The following RABGAP1L variants were observed in gnomAD, a reference collection of about 807,000 sequenced individuals.
RABGAP1L encodes rab GTPase-activating protein 1-like.
In RABGAP1L, 63 loss-of-function variants were observed where a neutral mutation model predicts 137.7. That is an observed-to-expected ratio of 0.46 (90% CI 0.37 to 0.56). RABGAP1L has a LOEUF of 0.56. Ranked by LOEUF, RABGAP1L falls within the 20% of genes least tolerant of loss-of-function variation. The pLI, the probability that RABGAP1L is intolerant of heterozygous loss-of-function variation, is 0.00. For synonymous variants in RABGAP1L, 431 were observed against 433.7 expected (o/e 0.99, Z 0.08); for missense variants, 1,095 against 1,244.0 (o/e 0.88, Z 1.80).
intron 1 of RABGAP1L, among the ~76,000 whole-genome samples, chr1:174,171,531 T>TA (rs1413339391): frequency 6.6e-6 from 1 of 152,080 alleles, no homozygotes; most frequent in African/African-American, 2.4e-5. Context: ...TTATATATAC[T>TA]ATACAATATG....
chr1:174,284,800 C>CT (rs1234792457), intron 10 of RABGAP1L, among the ~76,000 whole-genome samples: 45 of 111,878 alleles, frequency 4.0e-4, no homozygotes, highest in African/African-American at 1.6e-3. Flanking sequence ...TGGTCTCCAG[C>CT]TTTTTTTTCC....
intron 13 of RABGAP1L, among the ~76,000 whole-genome samples, chr1:174,620,904 G>A (rs1167852207): frequency 3.3e-5 from 5 of 151,870 alleles, no homozygotes; most frequent in Admixed American, 3.3e-4. Flanking sequence ...TAATAAAGAA[G>A]AAAAGAGAGA....
At chr1:174,783,082 T>A (rs1302184806) in intron 18 of RABGAP1L, among the ~76,000 whole-genome samples, 2 of 152,162 alleles carry the variant, frequency 1.3e-5, no homozygotes, top group Non-Finnish European at 2.9e-5. Flanking sequence ...TCATCACTGC[T>A]GAATGCTACC....
At chr1:174,773,312 G>A (rs868038655) in intron 18 of RABGAP1L, among the ~76,000 whole-genome samples, 5 of 152,146 alleles carry the variant, frequency 3.3e-5, no homozygotes, top group African/African-American at 1.2e-4. Context: ...GATCACTTGA[G>A]CCCATGAGTG....
chr1:174,977,780 G>A (rs2149380420), intron 22 of RABGAP1L, among the ~76,000 whole-genome samples: 1 of 152,288 alleles, frequency 6.6e-6, no homozygotes, highest in Admixed American at 6.5e-5. Context: ...TATTGTTTAT[G>A]TCCTTAAATT....
chr1:174,913,325 A>G (rs1382779377), intron 19 of RABGAP1L, among the ~76,000 whole-genome samples: 3 of 152,132 alleles, frequency 2.0e-5, no homozygotes, highest in Non-Finnish European at 2.9e-5. Flanking sequence ...ATAACTATAC[A>G]GATTTTGATG....
At chr1:174,680,834 T>C (rs930642789) in intron 14 of RABGAP1L, among the ~76,000 whole-genome samples, 1 of 151,820 alleles carries the variant, frequency 6.6e-6, no homozygotes, top group Non-Finnish European at 1.5e-5. Flanking sequence ...GCAGAGGCTG[T>C]AGTGATCATG....
chr1:174,946,917 A>AT (rs1252382067), intron 19 of RABGAP1L, among the ~76,000 whole-genome samples: 8,267 of 59,560 alleles, frequency 0.14, 1,144 homozygotes, highest in Non-Finnish European at 0.17. Context: ...AAAAAAAAAA[A>AT]ATATATATAT....
rs2148524944 is a variant in RABGAP1L at position 174,702,317 on chromosome 1, T to C, written c.2169+61T>C. ...GAAAGTAGTTTCTACTAAAAATGGT[T>C]ACAGTTTTCTTCCTTTTGTTTTTGC... is the stretch of plus-strand genomic sequence containing the variant. On this transcript the variant is annotated intron_variant, in intron 17 of 25. Coordinates refer to ENST00000681986, the MANE Select transcript of RABGAP1L (RefSeq NM_001366446.1). 1.5e-5 allele frequency: 21 copies of C among 1,412,904 alleles called. 1 individual carries two copies. In the South Asian group the frequency reaches 2.9e-4, roughly 19 times the overall value. The allele number at this position is 1,412,904 out of a possible 1,614,324, so 87.5% of individuals were successfully genotyped here.
intron 13 of RABGAP1L, among the ~76,000 whole-genome samples, chr1:174,597,807 G>A (rs956296495): frequency 6.6e-6 from 1 of 151,988 alleles, no homozygotes; most frequent in African/African-American, 2.4e-5. Context: ...TTTGCTCTCA[G>A]TATTGCTTTC....
At chr1:174,683,936 A>G (rs1305026482) in intron 15 of RABGAP1L, among the ~76,000 whole-genome samples, 4 of 152,180 alleles carry the variant, frequency 2.6e-5, no homozygotes, top group African/African-American at 7.2e-5. Flanking sequence ...GTCCTTTATC[A>G]TTTCTGTGAT....
At chr1:174,793,541 A>G (rs1688013925) in intron 18 of RABGAP1L, among the ~76,000 whole-genome samples, 1 of 152,206 alleles carries the variant, frequency 6.6e-6, no homozygotes, top group African/African-American at 2.4e-5. Context: ...ACTATAAAAT[A>G]ATGAGACTCA....
intron 19 of RABGAP1L, among the ~76,000 whole-genome samples, chr1:174,813,262 G>A (rs1476222326): frequency 6.6e-6 from 1 of 152,184 alleles, no homozygotes; most frequent in Non-Finnish European, 1.5e-5. Context: ...TAGAGATGGA[G>A]TGGAGATGGA....
intron 13 of RABGAP1L, among the ~76,000 whole-genome samples, chr1:174,511,000 A>G (rs1156956381): frequency 6.6e-6 from 1 of 152,206 alleles, no homozygotes; most frequent in African/African-American, 2.4e-5. Context: ...TCATGATGAA[A>G]ATGTGATGTC....
intron 13 of RABGAP1L, among the ~76,000 whole-genome samples, chr1:174,486,288 T>G (rs1327590926): frequency 6.6e-6 from 1 of 151,742 alleles, no homozygotes; most frequent in African/African-American, 2.4e-5. Flanking sequence ...AAAAACAATT[T>G]TTTGTTTCAT....
At chr1:174,984,045 T>A (rs1671364881) in intron 24 of RABGAP1L, among the ~76,000 whole-genome samples, 1 of 135,354 alleles carries the variant, frequency 7.4e-6, no homozygotes, top group African/African-American at 2.7e-5. Context: ...ATTTTTTTTG[T>A]ATTTCTTCTA....
chr1:174,712,817 G>A (rs991441641), intron 17 of RABGAP1L, among the ~76,000 whole-genome samples: 28 of 152,224 alleles, frequency 1.8e-4, no homozygotes, highest in African/African-American at 6.5e-4. Context: ...CAAACTTTGC[G>A]TCATTCCATC....
intron 11 of RABGAP1L, among the ~76,000 whole-genome samples, chr1:174,307,420 C>T (rs1678390253): frequency 6.6e-6 from 1 of 152,080 alleles, no homozygotes. Context: ...TTTCGTCATC[C>T]AAGAGGAAAT....
intron 11 of RABGAP1L, among the ~76,000 whole-genome samples, chr1:174,349,737 C>T (rs1286989472): frequency 7.2e-6 from 1 of 138,252 alleles, no homozygotes; most frequent in Non-Finnish European, 1.6e-5. Context: ...GGGGGGCTGA[C>T]CCCCCCACCT....
Sources: gnomAD v4.1 joint callset for allele counts (sites outside exome capture counted in the v4.1 genomes callset) on GRCh38, gnomAD v4.1.1 for gene constraint, MANE v1.5 for transcripts, NCBI Gene and HGNC (gene_info 2026-07-23, HGNC 2026-07-21) for gene names.